The following SENP7 variants were observed in gnomAD, a reference collection of about 807,000 sequenced individuals.
SENP7 encodes the protein SUMO specific peptidase 7.
In SENP7, 64 loss-of-function variants were observed where a neutral mutation model predicts 141.2. That is an observed-to-expected ratio of 0.45 (90% CI 0.37 to 0.56). The LOEUF (loss-of-function observed/expected upper bound fraction) is 0.56. Among genes scored for constraint, SENP7 ranks in the 20% least tolerant of loss-of-function variants. The probability of loss-of-function intolerance (pLI) is 0.00; values close to 1 mark genes in which losing one functional copy is unlikely to be tolerated. For missense variants in SENP7, 1,025 were observed against 1,212.2 expected (o/e 0.85, Z 2.29); for synonymous variants, 382 against 426.4 (o/e 0.90, Z 1.28).
intron 3 of SENP7, among the ~76,000 whole-genome samples, chr3:101,463,376 T>TATATATATATATAC (rs1559864922): frequency 2.7e-4 from 23 of 85,262 alleles, no homozygotes; most frequent in African/African-American, 9.8e-4. Flanking sequence ...TATATATATA[T>TATATATATATATAC]ATATATATAT....
intron 4 of SENP7, among the ~76,000 whole-genome samples, chr3:101,436,546 A>G (rs2062395058): frequency 6.6e-6 from 1 of 152,232 alleles, no homozygotes; most frequent in South Asian, 2.1e-4. Flanking sequence ...CAATAACCAG[A>G]ATATACAAAG....
chr3:101,407,114 T>C (rs1448908976), intron 5 of SENP7, among the ~76,000 whole-genome samples: 3 of 152,094 alleles, frequency 2.0e-5, no homozygotes, highest in African/African-American at 7.2e-5. Flanking sequence ...ACAGAACCTC[T>C]TTAAAACATA....
chr3:101,464,636 G>A (rs1409349738), intron 3 of SENP7, among the ~76,000 whole-genome samples: 1 of 151,992 alleles, frequency 6.6e-6, no homozygotes, highest in African/African-American at 2.4e-5. Flanking sequence ...GTCTCCCACT[G>A]ATTCTACATT....
chr3:101,414,575 A>C, intron 5 of SENP7: 9 of 1,605,320 alleles, frequency 5.6e-6, no homozygotes, highest in Non-Finnish European at 8.5e-7. Context: ...GACCACATGC[A>C]CCTCATCCCA....
chr3:101,408,519 T>C (rs2061367351), intron 5 of SENP7, among the ~76,000 whole-genome samples: 1 of 152,016 alleles, frequency 6.6e-6, no homozygotes, highest in Non-Finnish European at 1.5e-5. Context: ...TGAACACAGA[T>C]GCAAAAGTCC....
intron 4 of SENP7, among the ~76,000 whole-genome samples, chr3:101,432,275 A>T (rs377378609): frequency 6.6e-6 from 1 of 152,182 alleles, no homozygotes; most frequent in Non-Finnish European, 1.5e-5. Flanking sequence ...CCATAATACA[A>T]TAGAACACTA....
intron 4 of SENP7, among the ~76,000 whole-genome samples, chr3:101,451,849 G>C (rs2107832982): frequency 6.6e-6 from 1 of 152,290 alleles, no homozygotes; most frequent in African/African-American, 2.4e-5. Flanking sequence ...CATTGTGTTG[G>C]AAGTTCTGGC....
At chr3:101,408,418 T>C (rs1035930879) in intron 5 of SENP7, among the ~76,000 whole-genome samples, 4 of 152,054 alleles carry the variant, frequency 2.6e-5, no homozygotes, top group Admixed American at 6.5e-5. Context: ...GAGGGAACCT[T>C]CCCTAAACCA....
intron 5 of SENP7, among the ~76,000 whole-genome samples, chr3:101,402,831 C>G (rs1348164389): frequency 1.3e-5 from 2 of 152,144 alleles, no homozygotes; most frequent in African/African-American, 4.8e-5. Context: ...CACCCAAGAG[C>G]TCTGATGGGG....
intron 13 of SENP7, among the ~76,000 whole-genome samples, chr3:101,346,904 A>G (rs946356635): frequency 6.8e-6 from 1 of 147,692 alleles, no homozygotes; most frequent in African/African-American, 2.5e-5. Flanking sequence ...ACCCATGGAA[A>G]TAAAAAAAAA....
At chr3:101,426,268 CA>C (rs2061954951) in intron 4 of SENP7, among the ~76,000 whole-genome samples, 1 of 152,086 alleles carries the variant, frequency 6.6e-6, no homozygotes, top group African/African-American at 2.4e-5. Context: ...TCAGATTCTC[CA>C]AGGTCAAAAT....
At chr3:101,399,464 C>T (rs1017081363) in intron 5 of SENP7, among the ~76,000 whole-genome samples, 1 of 152,144 alleles carries the variant, frequency 6.6e-6, no homozygotes, top group Admixed American at 6.5e-5. Flanking sequence ...AAGTAATTTA[C>T]ATACTTGCAA....
At chr3:101,426,613 G>A (rs1051182085) in intron 4 of SENP7, among the ~76,000 whole-genome samples, 1 of 151,918 alleles carries the variant, frequency 6.6e-6, no homozygotes, top group Non-Finnish European at 1.5e-5. Context: ...CCGAGTAGCT[G>A]GGATTACAGG....
chr3:101,397,291 C>T (rs1396002744), intron 6 of SENP7, among the ~76,000 whole-genome samples: 1 of 152,092 alleles, frequency 6.6e-6, no homozygotes, highest in African/African-American at 2.4e-5. Flanking sequence ...ACCATCACAT[C>T]TGGCTCATTT....
intron 5 of SENP7, chr3:101,414,680 T>C (rs2061558152): frequency 8.7e-7 from 1 of 1,147,196 alleles, no homozygotes; most frequent in Admixed American, 2.3e-5. Context: ...AATATATTTT[T>C]TATAAGGCAT....
chr3:101,504,323 G>A (rs1485247104), intron 1 of SENP7, among the ~76,000 whole-genome samples: 1 of 151,440 alleles, frequency 6.6e-6, no homozygotes, highest in Non-Finnish European at 1.5e-5. Context: ...GCTGGGTGTA[G>A]TGGCAGGTGC....
intron 3 of SENP7, among the ~76,000 whole-genome samples, chr3:101,459,988 T>C (rs527706295): frequency 1.1e-4 from 17 of 152,262 alleles, no homozygotes; most frequent in African/African-American, 4.1e-4. Context: ...GTCAAGGCAA[T>C]GTAAGACTTT....
chr3:101,482,876 A>G (rs759280150), intron 3 of SENP7, among the ~76,000 whole-genome samples: 1 of 152,200 alleles, frequency 6.6e-6, no homozygotes, highest in Admixed American at 6.5e-5. Flanking sequence ...CTTTCAATCC[A>G]TATCAAAACC....
intron 1 of SENP7, among the ~76,000 whole-genome samples, 170 bp from the exon 2 acceptor site, chr3:101,501,289 A>G (rs2065368066): frequency 6.6e-6 from 1 of 151,716 alleles, no homozygotes; most frequent in Non-Finnish European, 1.5e-5. Context: ...GTCAAAAAAT[A>G]ACTACATGTG....
Sources: gnomAD v4.1 joint callset for allele counts (sites outside exome capture counted in the v4.1 genomes callset) on GRCh38, gnomAD v4.1.1 for gene constraint, MANE v1.5 for transcripts, NCBI Gene and HGNC (gene_info 2026-07-23, HGNC 2026-07-21) for gene names.